The following GMEB1 variants were observed in gnomAD, a reference collection of about 807,000 sequenced individuals.
GMEB1 encodes glucocorticoid modulatory element binding protein 1, also known as glucocorticoid modulatory element-binding protein 1.
In GMEB1, 6 loss-of-function variants were observed where a neutral mutation model predicts 52.4. The observed-to-expected ratio is 0.11, with a 90% CI of 0.06 to 0.23. The LOEUF (loss-of-function observed/expected upper bound fraction) is 0.23, where lower values mean the gene tolerates loss of function less well. Among genes scored for constraint, GMEB1 ranks in the 10% least tolerant of loss-of-function variants. GMEB1 has a pLI of 1.00. For synonymous variants in GMEB1, 255 were observed against 244.9 expected (o/e 1.04, Z -0.38); for missense variants, 486 against 685.6 (o/e 0.71, Z 3.25).
At chr1:28,710,241 G>A (rs1670983155) in intron 8 of GMEB1, among the ~76,000 whole-genome samples, 1 of 152,196 alleles carries the variant, frequency 6.6e-6, no homozygotes, top group Non-Finnish European at 1.5e-5. Flanking sequence ...CTGGCCTCAA[G>A]CAATGCTCCC....
At chr1:28,698,180 C>T (rs1326449002) in intron 6 of GMEB1, among the ~76,000 whole-genome samples, 5 of 151,312 alleles carry the variant, frequency 3.3e-5, no homozygotes, top group Admixed American at 1.3e-4. Flanking sequence ...ACCATCCTGG[C>T]CAACATGGTG....
At chr1:28,692,780 G>T (rs775246656) in intron 4 of GMEB1, among the ~76,000 whole-genome samples, 162 bp from the exon 5 acceptor site, 1 of 152,110 alleles carries the variant, frequency 6.6e-6, no homozygotes. Flanking sequence ...GAGAAGGATC[G>T]TCTTCTCTAA....
intron 6 of GMEB1, among the ~76,000 whole-genome samples, chr1:28,697,451 G>C (rs374286696): frequency 6.6e-6 from 1 of 151,688 alleles, no homozygotes; most frequent in Admixed American, 6.6e-5. Context: ...CAGGTGATCC[G>C]CCCACCTCGG....
At chr1:28,672,672 A>C (rs1056962028) in intron 1 of GMEB1, among the ~76,000 whole-genome samples, 1 of 149,818 alleles carries the variant, frequency 6.7e-6, no homozygotes. Flanking sequence ...TTAACTCGTC[A>C]TTTATATTAG....
chr1:28,668,887 C>CG (rs1215122593), intron 1 of GMEB1, 48 bp downstream of exon 1: 9 of 32,760 alleles, frequency 2.7e-4, no homozygotes, highest in East Asian at 9.3e-4. Flanking sequence ...GGGGTGGGGG[C>CG]GGGGGGGCGG....
chr1:28,700,827 C>T (rs184859086), intron 6 of GMEB1, among the ~76,000 whole-genome samples: 1 of 152,240 alleles, frequency 6.6e-6, no homozygotes, highest in East Asian at 1.9e-4. Flanking sequence ...GGACACTTGA[C>T]TCTTTCACTT....
intron 1 of GMEB1, among the ~76,000 whole-genome samples, chr1:28,682,510 A>G (rs1252920956): frequency 6.6e-6 from 1 of 151,446 alleles, no homozygotes; most frequent in Non-Finnish European, 1.5e-5. Flanking sequence ...AATCCAAGCT[A>G]CTTGGGGAGG....
intron 1 of GMEB1, among the ~76,000 whole-genome samples, chr1:28,677,010 C>T (rs773815882): frequency 3.3e-5 from 5 of 152,144 alleles, no homozygotes; most frequent in Admixed American, 6.6e-5. Flanking sequence ...GCTGAAATTG[C>T]ATCACTGAAC....
intron 1 of GMEB1, among the ~76,000 whole-genome samples, chr1:28,679,608 G>A (rs1173144834): frequency 6.6e-6 from 1 of 152,050 alleles, no homozygotes; most frequent in African/African-American, 2.4e-5. Context: ...TCAAGAGCAG[G>A]TATTGTTGCT....
At chr1:28,675,676 T>A in intron 1 of GMEB1, among the ~76,000 whole-genome samples, 1 of 108,024 alleles carries the variant, frequency 9.3e-6, no homozygotes, top group African/African-American at 3.1e-5. Context: ...TGAGACTCTG[T>A]CTCAAAAAAA....
At chr1:28,676,648 C>T (rs1042035541) in intron 1 of GMEB1, among the ~76,000 whole-genome samples, 2 of 151,956 alleles carry the variant, frequency 1.3e-5, no homozygotes, top group Non-Finnish European at 2.9e-5. Context: ...ATGGCATGAA[C>T]CCGGAGGCGG....
chr1:28,685,014 A>G (rs1206074391), intron 2 of GMEB1, among the ~76,000 whole-genome samples: 7 of 151,980 alleles, frequency 4.6e-5, no homozygotes, highest in Non-Finnish European at 8.8e-5. Context: ...TGCTCAGTTT[A>G]TCTGCACTAT....
intron 1 of GMEB1, among the ~76,000 whole-genome samples, chr1:28,672,296 C>T (rs1668927340): frequency 1.3e-5 from 2 of 149,658 alleles, no homozygotes; most frequent in Non-Finnish European, 3.0e-5. Context: ...TCTTGGCTCA[C>T]TGCAAGCTCC....
intron 2 of GMEB1, among the ~76,000 whole-genome samples, chr1:28,688,262 A>G (rs1311777572): frequency 1.3e-5 from 2 of 152,158 alleles, no homozygotes; most frequent in African/African-American, 4.8e-5. Context: ...CAGCCTGGGC[A>G]ATAAGAGCGA....
At chr1:28,701,706 C>T (rs901947230) in intron 6 of GMEB1, among the ~76,000 whole-genome samples, 16 of 152,060 alleles carry the variant, frequency 1.1e-4, no homozygotes, top group Non-Finnish European at 2.2e-4. Flanking sequence ...GTAGCTGTAA[C>T]TACAGATGTG....
At position 28,714,485 on chromosome 1, in the gene GMEB1, C is replaced by T. The variant is rs1363780269; in HGVS notation, c.1404C>T (p.Ala468=). Reference sequence around the variant, plus strand: ...GCTTGGCGCTGCTGAGCTCTACTGCCATGCAGGATGGGAGTACACTGGGCA... The same window carrying T: ...GCTTGGCGCTGCTGAGCTCTACTGCTATGCAGGATGGGAGTACACTGGGCA... ...SSSLALLSST[A]MQDGSTLGNM... Residue 468 remains alanine, a synonymous_variant, in exon 10 of 10, where the codon GCC becomes GCT. Coordinates refer to ENST00000373816, the MANE Select transcript of GMEB1 (RefSeq NM_001319674.2). 6.2e-7 allele frequency: 1 copy of T among 1,614,228 alleles called. No homozygotes were observed. The highest frequency in any genetic ancestry group is 8.5e-7 in the Non-Finnish European group (1 of 1,180,048).
chr1:28,679,995 A>T (rs888018854), intron 1 of GMEB1, among the ~76,000 whole-genome samples: 1 of 152,040 alleles, frequency 6.6e-6, no homozygotes, highest in Non-Finnish European at 1.5e-5. Context: ...TTTAGTAGAG[A>T]TGGGGTTTCT....
In GMEB1 at chr1:28,714,873, TA is replaced by T. The variant is rs372271712; in HGVS notation, c.*113del. The T allele has an allele frequency of 0.031, 17,387 of 568,626 alleles. 1 individual carries two copies. Among genetic ancestry groups the T allele is most frequent in the South Asian group, 0.044 (1,546 of 34,950 alleles). 35.2% of individuals were successfully genotyped at this position (568,626 alleles called of 1,614,324 possible). On this transcript the variant is annotated 3_prime_UTR_variant, in exon 10 of 10. Coordinates refer to ENST00000373816, the MANE Select transcript of GMEB1 (RefSeq NM_001319674.2). Reference sequence around the variant, plus strand: ...CTCATTTCCACATAGGACCCTTTTTTAAAAAAAAAAAAACAAAATCTTATTG... The same window carrying T: ...CTCATTTCCACATAGGACCCTTTTTTAAAAAAAAAAAACAAAATCTTATTG...
intron 6 of GMEB1, among the ~76,000 whole-genome samples, chr1:28,700,959 T>C (rs573732483): frequency 2.6e-5 from 4 of 152,170 alleles, no homozygotes; most frequent in African/African-American, 7.2e-5. Context: ...ATGGAAAATA[T>C]GGTATTTGCA....
Sources: gnomAD v4.1 joint callset for allele counts (sites outside exome capture counted in the v4.1 genomes callset) on GRCh38, gnomAD v4.1.1 for gene constraint, MANE v1.5 for transcripts, NCBI Gene and HGNC (gene_info 2026-07-23, HGNC 2026-07-21) for gene names.